The following WNT7A variants were observed in gnomAD, a reference collection of about 807,000 sequenced individuals.
WNT7A encodes Wnt family member 7A, also known as protein Wnt-7a.
In WNT7A, 16 loss-of-function variants were observed where a neutral mutation model predicts 28.2. The ratio of observed to expected loss-of-function variants is 0.57; its 90% CI spans 0.38 to 0.86. The LOEUF (loss-of-function observed/expected upper bound fraction) is 0.86, where lower values mean the gene tolerates loss of function less well. WNT7A is among the 40% of genes least tolerant of loss of function. The pLI, the probability that WNT7A is intolerant of heterozygous loss-of-function variation, is 0.00. For synonymous variants in WNT7A, 190 were observed against 195.9 expected, an observed-to-expected ratio of 0.97 and a Z score of 0.25; for missense variants, 411 against 489.7, an observed-to-expected ratio of 0.84 and a Z score of 1.52.
chr3:13,845,268 A>T (rs1694520837), intron 3 of WNT7A, among the ~76,000 whole-genome samples: 1 of 152,152 alleles, frequency 6.6e-6, no homozygotes, highest in Non-Finnish European at 1.5e-5. Flanking sequence ...CTTAGTAGTC[A>T]ACGTCTCAGC....
chr3:13,876,930 G>T, intron 1 of WNT7A: 1 of 152,132 alleles, frequency 6.6e-6, no homozygotes, highest in South Asian at 2.1e-4. Flanking sequence ...ATGGTCTACT[G>T]AAATGTTTTC....
chr3:13,864,148 T>C (rs1205623699), intron 2 of WNT7A, among the ~76,000 whole-genome samples: 1 of 152,100 alleles, frequency 6.6e-6, no homozygotes, highest in Admixed American at 6.5e-5. Context: ...TGGCGGGAAA[T>C]CACCATTTCT....
chr3:13,826,125 C>T (rs1276138204), intron 3 of WNT7A, among the ~76,000 whole-genome samples: 6 of 152,192 alleles, frequency 3.9e-5, no homozygotes, highest in Non-Finnish European at 4.4e-5. Flanking sequence ...TTGGCGTCAC[C>T]CCTGCTGGGG....
In WNT7A at chr3:13,854,567, G is replaced by C. The variant is rs758056637; in HGVS notation, c.535C>G (p.Leu179Val). The C allele has an allele frequency of 1.2e-6, 2 of 1,614,186 alleles. No homozygotes were observed. The highest frequency in any genetic ancestry group is 1.6e-4 in the Middle Eastern group (1 of 6,062). The change falls in exon 3 of 4, where the codon CTC becomes GTC. Residue 179 changes from leucine (L) to valine (V), a missense_variant. Leu to Val is a conservative substitution (Grantham distance 32). Transcript: ENST00000285018. ...GCCTCGTTGTTGTGCAAGTTCATGA[G>C]AGTCCGGGCATTCTGCTTGATCTCC... ...AREIKQNART[L>V]MNLHNNEAGR... is the part of the protein sequence containing the mutation.
chr3:13,832,441 C>T (rs1254346120), intron 3 of WNT7A, among the ~76,000 whole-genome samples: 3 of 151,658 alleles, frequency 2.0e-5, no homozygotes, highest in East Asian at 3.9e-4. Flanking sequence ...CTTTCTCAAG[C>T]TTCTCCTTCT....
intron 2 of WNT7A, 76 bp from the exon 3 acceptor site, chr3:13,854,879 G>A: frequency 1.3e-6 from 2 of 1,577,514 alleles, no homozygotes; most frequent in African/African-American, 1.3e-5. Context: ...CCTGACTGAA[G>A]AGTGAGGCTG....
chr3:13,863,465 G>A (rs1216005772), intron 2 of WNT7A, among the ~76,000 whole-genome samples: 3 of 152,090 alleles, frequency 2.0e-5, no homozygotes, highest in African/African-American at 7.2e-5. Context: ...TCTGCATGTT[G>A]CATGCGCACG....
chr3:13,853,375 C>G (rs188987523), intron 3 of WNT7A, among the ~76,000 whole-genome samples: 45 of 152,332 alleles, frequency 3.0e-4, no homozygotes, highest in African/African-American at 8.7e-4. Flanking sequence ...ACAGGCAGAT[C>G]TGGGGGCAGA....
chr3:13,823,565 G>A (rs1170979102), intron 3 of WNT7A, among the ~76,000 whole-genome samples: 1 of 152,204 alleles, frequency 6.6e-6, no homozygotes, highest in Non-Finnish European at 1.5e-5. Context: ...CATGGCAAAG[G>A]TGGGGGACAA....
Position 13,818,757 on chromosome 3 carries a change from G to C in WNT7A, c.*187C>G, listed in dbSNP as rs935725804. 2 of 906,734 alleles carry C rather than the reference G, an allele frequency of 2.2e-6. No individual in the cohort carries two copies. Among genetic ancestry groups the C allele is most frequent in the Admixed American group, 3.1e-5 (1 of 32,448 alleles). The allele number at this position is 906,734 out of a possible 1,614,324, so 56.2% of individuals were successfully genotyped here. A position where few individuals can be genotyped will look rare whatever the true frequency, so the allele number is the denominator to read the frequency against. On this transcript the variant is annotated 3_prime_UTR_variant, in exon 4 of 4. Coordinates refer to ENST00000285018, the MANE Select transcript of WNT7A (RefSeq NM_004625.4). ...GGAGGGTGGAGCAGCATTGGGTGTG[G>C]AACAGAATAGTTGAGGGCTCTGAGA...
intron 2 of WNT7A, among the ~76,000 whole-genome samples, chr3:13,856,922 A>G (rs796410781): frequency 2.8e-5 from 3 of 107,488 alleles, no homozygotes; most frequent in Admixed American, 9.6e-5. Flanking sequence ...AAGAAGAAGA[A>G]GAAGAAGAAG....
intron 3 of WNT7A, among the ~76,000 whole-genome samples, chr3:13,848,579 T>C (rs1694577049): frequency 6.6e-6 from 1 of 152,206 alleles, no homozygotes; most frequent in Admixed American, 6.5e-5. Flanking sequence ...AACAGTGATG[T>C]CACCAAATGC....
intron 2 of WNT7A, among the ~76,000 whole-genome samples, chr3:13,868,754 G>GAGGGA (rs1243817765): frequency 4.9e-5 from 7 of 141,574 alleles, no homozygotes; most frequent in Non-Finnish European, 7.6e-5. Context: ...AGAAAGAAAG[G>GAGGGA]AGGGAAGGGA....
rs1466225677 is a variant in WNT7A at position 13,880,016 on chromosome 3, G to A, written c.-200C>T. 1.8e-5 allele frequency: 7 copies of A among 378,776 alleles called. No homozygotes were observed. The highest frequency in any genetic ancestry group is 3.2e-5 in the Non-Finnish European group (7 of 216,188). The allele number at this position is 378,776 out of a possible 1,614,324, so 23.5% of individuals were successfully genotyped here. On this transcript the variant is annotated 5_prime_UTR_variant, in exon 1 of 4. Coordinates refer to ENST00000285018, the MANE Select transcript of WNT7A (RefSeq NM_004625.4). ...CCACGGAGCGGGAGGAGGGAGGGAG[G>A]AGCGAGCGCGGCGTGGGGCGACGCC... is the stretch of plus-strand genomic sequence containing the variant.
At chr3:13,864,383 CA>C (rs1694879052) in intron 2 of WNT7A, among the ~76,000 whole-genome samples, 1 of 152,168 alleles carries the variant, frequency 6.6e-6, no homozygotes, top group Non-Finnish European at 1.5e-5. Context: ...CGTGCCAAGC[CA>C]CTCTGGATCC....
intron 1 of WNT7A, among the ~76,000 whole-genome samples, chr3:13,878,055 C>T (rs1435099545): frequency 6.6e-6 from 1 of 152,186 alleles, no homozygotes; most frequent in Non-Finnish European, 1.5e-5. Context: ...TCCCACCTCT[C>T]CGACCTGGAC....
intron 1 of WNT7A, among the ~76,000 whole-genome samples, chr3:13,877,946 C>G (rs1448770935): frequency 6.6e-6 from 1 of 152,236 alleles, no homozygotes; most frequent in Admixed American, 6.5e-5. Context: ...ATGGAAAAAC[C>G]TTTTAGGGAC....
At chr3:13,858,059 A>C (rs1694774937) in intron 2 of WNT7A, among the ~76,000 whole-genome samples, 1 of 152,242 alleles carries the variant, frequency 6.6e-6, no homozygotes, top group Non-Finnish European at 1.5e-5. Context: ...AATCGAAGAC[A>C]CAAAGGCTTT....
chr3:13,857,156 G>T (rs1314186166), intron 2 of WNT7A, among the ~76,000 whole-genome samples: 2 of 152,286 alleles, frequency 1.3e-5, no homozygotes, highest in East Asian at 1.9e-4. Context: ...ATCAAGAAAT[G>T]CTGTGTAAGA....
Sources: gnomAD v4.1 joint callset for allele counts (sites outside exome capture counted in the v4.1 genomes callset) on GRCh38, gnomAD v4.1.1 for gene constraint, MANE v1.5 for transcripts, NCBI Gene and HGNC (gene_info 2026-07-23, HGNC 2026-07-21) for gene names.